Variants in CLPTM1L observed in about 807,000 individuals in gnomAD.
CLPTM1L encodes the protein CLPTM1 like.
CLPTM1L carries 38 observed loss-of-function variants against 70.9 expected under a neutral mutation model. The ratio of observed to expected loss-of-function variants is 0.54; its 90% confidence interval spans 0.41 to 0.70. The LOEUF is 0.70. Among genes scored for constraint, CLPTM1L ranks in the 30% least tolerant of loss-of-function variants. The pLI is 0.00. For synonymous variants in CLPTM1L, 339 were observed against 299.9 expected, an observed-to-expected ratio of 1.13 and a Z score of -1.35; for missense variants, 652 against 705.9, an observed-to-expected ratio of 0.92 and a Z score of 0.87.
intron 2 of CLPTM1L, 54 bp downstream of exon 2, chr5:1,344,297 T>C (rs116430051): frequency 8.3e-7 from 1 of 1,200,136 alleles, no homozygotes; most frequent in Non-Finnish European, 1.2e-6. Flanking sequence ...TTTTAAACAA[T>C]CTGAACATGA....
chr5:1,335,145 G>T lies in CLPTM1L; in HGVS notation c.708C>A (p.Pro236=). 6.2e-7 allele frequency: 1 copy of T among 1,613,704 alleles called. No homozygotes were observed. The highest frequency in any genetic ancestry group is 1.1e-5 in the South Asian group (1 of 91,092). The part of the protein sequence containing the change: ...MVINRSTTEL[P]LTVSYDKVSL... The stretch of plus-strand genomic sequence containing the variant: ...AGACCTTGTCGTAGGACACGGTGAG[G>T]GGCAGCTCGGTGGTGGAGCGGTTTA... The change falls in exon 6 of 17, where the codon CCC becomes CCA. Residue 236 remains proline, a synonymous_variant. Transcript: ENST00000320895.
At chr5:1,325,096 G>C in intron 10 of CLPTM1L, 1 of 551,124 alleles carries the variant, frequency 1.8e-6, no homozygotes, top group East Asian at 3.0e-5. Context: ...CACCGCTTCA[G>C]TGAGAACACT....
chr5:1,324,689 G>A, intron 11 of CLPTM1L, 74 bp downstream of exon 11: 1 of 1,350,788 alleles, frequency 7.4e-7, no homozygotes, highest in Non-Finnish European at 1.1e-6. Context: ...ACTGAGCAAT[G>A]ACAGTAAAAG....
intron 2 of CLPTM1L, 74 bp downstream of exon 2, chr5:1,344,277 G>A: frequency 9.8e-7 from 1 of 1,022,296 alleles, no homozygotes. Flanking sequence ...GTTATGTACA[G>A]AAAGCTAACT....
Position 1,338,882 on chromosome 5 carries a change from C to A in CLPTM1L, c.577G>T (p.Asp193Tyr). 6.2e-7 allele frequency: 1 copy of A among 1,613,316 alleles called. No individual in the cohort carries two copies. The highest frequency in any genetic ancestry group is 8.5e-7 in the Non-Finnish European group (1 of 1,180,040). The part of the protein sequence containing the change: ...FVFDGSSLPA[D>Y]VHRYMKMIQL... ...TACATCTTCATGTACCGATGCACAT[C>A]GGCAGGCAGGGAGGACCCGTCAAAG... The change falls in exon 4 of 17, where the codon GAT becomes TAT. Residue 193 changes from aspartate (D) to tyrosine (Y), a missense_variant. By Grantham distance (160) the Asp-to-Tyr change is radical. Around this residue, in one of 3 missense-constraint regions of CLPTM1L, gnomAD observed 402 missense variants for 388.2 expected, o/e 1.04. Transcript: ENST00000320895.
chr5:1,334,392 G>GAA lies in CLPTM1L; in HGVS notation c.797-11_797-10dup. ...ATCTTTCTCTGAAAACCCTGTCAAGGAAAAAAAAACATACAATATAAAACA... is the reference window on the plus strand; with the variant it reads ...ATCTTTCTCTGAAAACCCTGTCAAGGAAAAAAAAAAACATACAATATAAAACA... On this transcript the variant is annotated splice_polypyrimidine_tract_variant and intron_variant, in intron 6 of 16. Coordinates refer to ENST00000320895, the MANE Select transcript of CLPTM1L (RefSeq NM_030782.5). The GAA allele has an allele frequency of 6.8e-7, 1 of 1,476,288 alleles. No individual in the cohort carries two copies. Among genetic ancestry groups the GAA allele is most frequent in the Non-Finnish European group, 9.4e-7 (1 of 1,058,954 alleles). 91.4% of individuals were successfully genotyped at this position (1,476,288 alleles called of 1,614,324 possible). A position where few individuals can be genotyped will look rare whatever the true frequency, so the allele number is the denominator to read the frequency against.
chr5:1,324,618 G>T, intron 11 of CLPTM1L, 145 bp downstream of exon 11: 3 of 774,304 alleles, frequency 3.9e-6, no homozygotes, highest in South Asian at 3.3e-5. Context: ...TGGGTTTTAT[G>T]TGTTCACTCT....
At chr5:1,327,446 C>G in intron 9 of CLPTM1L, among the ~76,000 whole-genome samples, 1 of 146,500 alleles carries the variant, frequency 6.8e-6, no homozygotes, top group Non-Finnish European at 1.5e-5. Flanking sequence ...TCCAGCTCCT[C>G]CTCTACAGGG....
intron 9 of CLPTM1L, among the ~76,000 whole-genome samples, chr5:1,329,105 C>T (rs1168862300): frequency 2.0e-5 from 3 of 152,268 alleles, no homozygotes; most frequent in Non-Finnish European, 4.4e-5. Flanking sequence ...CGGTGTGGCA[C>T]AGAGCTCAGT....
chr5:1,330,183 T>C (rs1752989544), intron 9 of CLPTM1L, 97 bp downstream of exon 9: 12 of 971,112 alleles, frequency 1.2e-5, no homozygotes, highest in Non-Finnish European at 1.6e-5. Context: ...GCACACAGGC[T>C]TCCACAGAAG....
intron 10 of CLPTM1L, chr5:1,325,290 G>C (rs917490652): frequency 4.1e-6 from 1 of 245,220 alleles, no homozygotes; most frequent in Non-Finnish European, 7.8e-6. Flanking sequence ...CGTGGGCACT[G>C]AGATTCAACT....
Position 1,344,859 on chromosome 5 carries a change from CG to C in CLPTM1L, c.-19del. On this transcript the variant is annotated 5_prime_UTR_variant, in exon 1 of 17. Transcript: ENST00000320895. The stretch of plus-strand genomic sequence containing the variant: ...CTCCACATGGCGGCCCCGCGCCCGG[CG>C]CCCCCGGCCCGCCCGCCTCTCAGCC... The C allele has an allele frequency of 7.1e-7, 1 of 1,407,042 alleles. No individual in the cohort carries two copies. Among genetic ancestry groups the C allele is most frequent in the Non-Finnish European group, 9.3e-7 (1 of 1,073,514 alleles). The allele number at this position is 1,407,042 out of a possible 1,614,324, so 87.2% of individuals were successfully genotyped here. A position where few individuals can be genotyped will look rare whatever the true frequency, so the allele number is the denominator to read the frequency against.
At position 1,323,811 on chromosome 5, in the gene CLPTM1L, G is replaced by GAATA. The variant is rs1752335054; in HGVS notation, c.1252_1255dup (p.Ser419LeufsTer9). Reference sequence around the variant, plus strand: ...CCTCTTATATTTGATATTCAGGAGTGAATAGACAGCACCCCCGACACAGAG... The same window carrying GAATA: ...CCTCTTATATTTGATATTCAGGAGTGAATAAATAGACAGCACCCCCGACACAGAG... On this transcript the variant is annotated frameshift_variant, in exon 12 of 17. Transcript: ENST00000320895. LOFTEE classifies it high-confidence loss of function. 6.2e-7 allele frequency: 1 copy of GAATA among 1,613,464 alleles called. No individual in the cohort carries two copies. The highest frequency in any genetic ancestry group is 8.5e-7 in the Non-Finnish European group (1 of 1,179,696).
chr5:1,328,939 C>CAT, intron 9 of CLPTM1L, among the ~76,000 whole-genome samples: 1 of 151,912 alleles, frequency 6.6e-6, no homozygotes, highest in Non-Finnish European at 1.5e-5. Context: ...TCTACAGGGA[C>CAT]ATTCCATCCA....
chr5:1,325,095 A>G, intron 10 of CLPTM1L: 1 of 551,950 alleles, frequency 1.8e-6, no homozygotes, highest in Non-Finnish European at 3.2e-6. Flanking sequence ...CCACCGCTTC[A>G]GTGAGAACAC....
intron 16 of CLPTM1L, among the ~76,000 whole-genome samples, chr5:1,319,357 G>T (rs1752016096): frequency 1.1e-5 from 1 of 91,152 alleles, no homozygotes; most frequent in Admixed American, 1.1e-4. Context: ...CAGCAACAGG[G>T]TGGGGGGGGG....
At chr5:1,338,784 G>C (rs1478603092) in intron 4 of CLPTM1L, 76 bp downstream of exon 4, 2 of 1,571,236 alleles carry the variant, frequency 1.3e-6, no homozygotes, top group Non-Finnish European at 1.7e-6. Context: ...GTGCAGGAGT[G>C]ACCTGCTGGC....
In CLPTM1L at chr5:1,340,858, C is replaced by T. The variant is rs188437102; in HGVS notation, c.453+813G>A. ...AATGCAGTGGCATCATCTCACCTCA[C>T]GGGTTCAAACGATTCTCCTCCCTCA... On this transcript the variant is annotated intron_variant, in intron 3 of 16. Coordinates refer to ENST00000320895, the MANE Select transcript of CLPTM1L (RefSeq NM_030782.5). 2.1e-4 allele frequency among the ~76,000 whole-genome samples: 32 copies of T among 152,336 alleles called. 1 individual carries two copies. The highest frequency in any genetic ancestry group is 4.3e-4 in the African/African-American group (18 of 41,586).
chr5:1,333,349 C>CTACTGTATACACACCGG (rs1753276873), intron 7 of CLPTM1L, among the ~76,000 whole-genome samples: 1 of 13,074 alleles, frequency 7.6e-5, no homozygotes. Context: ...ATACACACCA[C>CTACTGTATACACACCGG]ATGAGGATAA....
Sources: allele counts gnomAD v4.1 joint callset (sites outside exome capture counted in the v4.1 genomes callset), GRCh38; gene constraint gnomAD v4.1.1; regional missense constraint gnomAD v4.1.1; transcripts MANE v1.5; gene names NCBI Gene and HGNC (gene_info 2026-07-23, HGNC 2026-07-21).